Variants in CYP11A1 observed in about 807,000 individuals in gnomAD.
The protein encoded by CYP11A1 is cytochrome P450 family 11 subfamily A member 1.
In CYP11A1, 25 loss-of-function variants were observed where a neutral mutation model predicts 51.9. The observed-to-expected ratio is 0.48, with a 90% CI of 0.35 to 0.67. The LOEUF is 0.67. Among genes scored for constraint, CYP11A1 ranks in the 30% least tolerant of loss-of-function variants. CYP11A1 has a pLI of 0.00. For missense variants in CYP11A1, 578 were observed against 680.9 expected (o/e 0.85, Z 1.68); for synonymous variants, 245 against 262.1 (o/e 0.93, Z 0.63).
chr15:74,344,230 AGGTGGGAAGCAG>A (rs1318197116), intron 3 of CYP11A1, among the ~76,000 whole-genome samples: 2 of 152,204 alleles, frequency 1.3e-5, no homozygotes, highest in African/African-American at 2.4e-5. Flanking sequence ...AGGACCTGAA[AGGTGGGAAGCAG>A]GGTCTCCAGC....
At chr15:74,366,460 T>TTTTTTTTA (rs1555426893) in intron 1 of CYP11A1, among the ~76,000 whole-genome samples, 3 of 137,690 alleles carry the variant, frequency 2.2e-5, no homozygotes, top group African/African-American at 8.3e-5. Context: ...ATTTTTTTTA[T>TTTTTTTTA]TTTATTTATT....
chr15:74,366,306 G>C (rs2060733054), intron 1 of CYP11A1: 1 of 855,092 alleles, frequency 1.2e-6, no homozygotes, highest in South Asian at 5.6e-5. Context: ...TTTTGAGACA[G>C]AGTTTCGCTT....
At chr15:74,339,808 C>A in intron 5 of CYP11A1, 55 bp from the exon 6 acceptor site, 1 of 1,548,678 alleles carries the variant, frequency 6.5e-7, no homozygotes, top group African/African-American at 1.4e-5. Context: ...TCCGGGGCCC[C>A]TTGAGGTCCT....
chr15:74,363,902 T>C (rs1323693899), intron 1 of CYP11A1: 1 of 152,212 alleles, frequency 6.6e-6, no homozygotes, highest in African/African-American at 2.4e-5. Flanking sequence ...TGTTTTGGAC[T>C]GATCTCATGC....
chr15:74,343,389 G>GGTCA (rs142940907), intron 4 of CYP11A1, among the ~76,000 whole-genome samples: 1,828 of 152,190 alleles, frequency 0.012, 29 homozygotes, highest in African/African-American at 0.042. Flanking sequence ...ACTTGCCCAA[G>GGTCA]GTCACATGGC....
chr15:74,366,136 T>G, intron 1 of CYP11A1: 1 of 985,544 alleles, frequency 1.0e-6, no homozygotes, highest in Non-Finnish European at 1.2e-6. Flanking sequence ...GGGGCCACGC[T>G]AGGGCGGACC....
chr15:74,356,764 T>G (rs1412962001), intron 1 of CYP11A1, among the ~76,000 whole-genome samples: 1 of 152,060 alleles, frequency 6.6e-6, no homozygotes, highest in African/African-American at 2.4e-5. Flanking sequence ...GCCACCCTTT[T>G]CCCCAGTTTA....
intron 1 of CYP11A1, among the ~76,000 whole-genome samples, chr15:74,360,908 A>C (rs944470505): frequency 2.0e-5 from 3 of 152,200 alleles, no homozygotes; most frequent in Non-Finnish European, 2.9e-5. Flanking sequence ...TGTCTCAAAA[A>C]AAACAAATTT....
chr15:74,350,782 C>T (rs2060652465), intron 1 of CYP11A1: 1 of 152,194 alleles, frequency 6.6e-6, no homozygotes, highest in African/African-American at 2.4e-5. Context: ...CACTCAGGCC[C>T]CTCCCACACC....
chr15:74,364,278 G>C (rs1052055344), intron 1 of CYP11A1: 3 of 152,464 alleles, frequency 2.0e-5, no homozygotes, highest in Non-Finnish European at 4.4e-5. Context: ...GCATGAAGCA[G>C]TTACAGAAAA....
rs121912812 is a variant in CYP11A1 at position 74,339,668 on chromosome 15, G to A, written c.1076C>T (p.Ala359Val). 25 of 1,614,140 alleles carry A rather than the reference G, an allele frequency of 1.5e-5. No individual in the cohort carries two copies. Among genetic ancestry groups the A allele is most frequent in the Non-Finnish European group, 1.6e-5 (19 of 1,180,006 alleles). Residue 359 changes from alanine to valine, a missense_variant, in exon 6 of 9, where the codon GCG becomes GTG. Physicochemically the swap from Ala to Val is moderately conservative, Grantham distance 64 (BLOSUM62 0). Coordinates refer to ENST00000268053, the MANE Select transcript of CYP11A1 (RefSeq NM_000781.3). ...QDMLRAEVLA[A>V]RHQAQGDMAT... The stretch of plus-strand genomic sequence containing the variant: ...CATGTCTCCCTGGGCCTGGTGCCGC[G>A]CAGCCAAGACCTCTGCCCGCAGCAT...
At position 74,348,112 on chromosome 15, in the gene CYP11A1, G is replaced by C. The variant is rs1300603174; in HGVS notation, c.270-57C>G. 6.9e-6 allele frequency: 11 copies of C among 1,589,196 alleles called. No individual in the cohort carries two copies. The East Asian group carries it at 1.1e-4, about 16-fold the overall frequency. ...GGATCCGAGGAGAGCTATGGATACA[G>C]GCTCAGCACAGCTGCCTCACAGTTC... On this transcript the variant is annotated intron_variant, in intron 1 of 8. Coordinates refer to ENST00000268053, the MANE Select transcript of CYP11A1 (RefSeq NM_000781.3).
intron 1 of CYP11A1, 102 bp downstream of exon 1, chr15:74,367,215 G>T: frequency 1.6e-6 from 2 of 1,262,130 alleles, no homozygotes; most frequent in Non-Finnish European, 2.3e-6. Flanking sequence ...ACAGGAGTTT[G>T]GAACCAGAGA....
intron 1 of CYP11A1, among the ~76,000 whole-genome samples, chr15:74,357,918 G>C (rs139297355): frequency 0.022 from 3,336 of 152,166 alleles, 89 homozygotes; most frequent in African/African-American, 0.066. Flanking sequence ...TTTCTGCCCC[G>C]CTCCACTACC....
intron 1 of CYP11A1, among the ~76,000 whole-genome samples, chr15:74,349,419 GCT>G (rs2060645898): frequency 6.6e-6 from 1 of 152,132 alleles, no homozygotes; most frequent in African/African-American, 2.4e-5. Flanking sequence ...CTCTCATAGT[GCT>G]GCTTTAACCA....
intron 1 of CYP11A1, among the ~76,000 whole-genome samples, chr15:74,356,087 C>T (rs1038886311): frequency 2.6e-5 from 4 of 152,260 alleles, no homozygotes; most frequent in African/African-American, 9.6e-5. Context: ...GTTACAATTA[C>T]TTGCCTCTGC....
At chr15:74,357,771 C>T (rs1419222706) in intron 1 of CYP11A1, among the ~76,000 whole-genome samples, 1 of 152,232 alleles carries the variant, frequency 6.6e-6, no homozygotes, top group African/African-American at 2.4e-5. Context: ...TAGCCTAGCC[C>T]TCATGTCTGT....
chr15:74,358,262 C>A (rs1054539212), intron 1 of CYP11A1, among the ~76,000 whole-genome samples: 4 of 152,226 alleles, frequency 2.6e-5, no homozygotes, highest in Non-Finnish European at 5.9e-5. Flanking sequence ...TCCCTCACAG[C>A]CAGTTTTTCT....
chr15:74,354,845 C>T (rs1022912966), intron 1 of CYP11A1, among the ~76,000 whole-genome samples: 1 of 152,154 alleles, frequency 6.6e-6, no homozygotes, highest in Admixed American at 6.5e-5. Flanking sequence ...TATCCGTGAA[C>T]CCAAAACTCC....
Sources: allele counts gnomAD v4.1 joint callset (sites outside exome capture counted in the v4.1 genomes callset), GRCh38; gene constraint gnomAD v4.1.1; transcripts MANE v1.5; gene names NCBI Gene and HGNC (gene_info 2026-07-23, HGNC 2026-07-21).